Variants in UBE3D observed in about 807,000 individuals in gnomAD.
UBE3D encodes ubiquitin protein ligase E3D.
In UBE3D, 48 loss-of-function variants were observed where a neutral mutation model predicts 49.6. That is an observed-to-expected ratio of 0.97 (90% confidence interval 0.77 to 1.23). The LOEUF is 1.23. UBE3D is among the 50% of genes most tolerant of loss of function. The probability of loss-of-function intolerance (pLI) is 0.00; values close to 1 mark genes in which losing one functional copy is unlikely to be tolerated. For synonymous variants in UBE3D, 189 were observed against 174.2 expected (o/e 1.08, Z -0.67); for missense variants, 452 against 468.4 (o/e 0.96, Z 0.32).
At chr6:82,972,257 A>C (rs1363292339) in intron 8 of UBE3D, among the ~76,000 whole-genome samples, 2 of 152,142 alleles carry the variant, frequency 1.3e-5, no homozygotes, top group African/African-American at 2.4e-5. Context: ...CCGTTCTTTC[A>C]CAAGAGGGCA....
intron 9 of UBE3D, among the ~76,000 whole-genome samples, chr6:82,933,984 T>C (rs1026386903): frequency 6.6e-6 from 1 of 152,196 alleles, no homozygotes; most frequent in Non-Finnish European, 1.5e-5. Flanking sequence ...TGGCTCTGTG[T>C]CTTCACCCAA....
intron 9 of UBE3D, among the ~76,000 whole-genome samples, chr6:82,923,500 G>A (rs936375003): frequency 1.4e-4 from 21 of 152,136 alleles, no homozygotes; most frequent in Admixed American, 2.6e-4. Flanking sequence ...ATAAGTGGGA[G>A]TTGAACAATG....
chr6:82,894,605 C>T (rs574810326), intron 9 of UBE3D, among the ~76,000 whole-genome samples: 4 of 152,308 alleles, frequency 2.6e-5, no homozygotes, highest in African/African-American at 9.6e-5. Flanking sequence ...CTTTAACCCT[C>T]ACCTTCCCTT....
intron 3 of UBE3D, 76 bp from the exon 4 acceptor site, chr6:83,044,735 G>T: frequency 8.0e-7 from 1 of 1,242,876 alleles, no homozygotes; most frequent in Non-Finnish European, 1.1e-6. Flanking sequence ...GACCATAAAA[G>T]ATGAAAGAAA....
chr6:82,946,423 A>C (rs1377550873), intron 9 of UBE3D, among the ~76,000 whole-genome samples: 2 of 152,186 alleles, frequency 1.3e-5, no homozygotes, highest in Non-Finnish European at 2.9e-5. Flanking sequence ...AATATCCTTC[A>C]AACACAAAGA....
At chr6:83,064,383 A>C (rs548577510) in intron 1 of UBE3D, among the ~76,000 whole-genome samples, 1 of 152,186 alleles carries the variant, frequency 6.6e-6, no homozygotes, top group African/African-American at 2.4e-5. Flanking sequence ...GCGCGCCACC[A>C]CACCCAGCTA....
At chr6:82,978,157 G>A (rs1358026380) in intron 8 of UBE3D, among the ~76,000 whole-genome samples, 2 of 151,990 alleles carry the variant, frequency 1.3e-5, no homozygotes, top group Non-Finnish European at 2.9e-5. Flanking sequence ...ACACAGTCCT[G>A]GGGCAAGTTG....
chr6:83,040,307 C>A (rs1454775475), intron 4 of UBE3D, among the ~76,000 whole-genome samples: 3 of 151,816 alleles, frequency 2.0e-5, no homozygotes, highest in African/African-American at 7.3e-5. Flanking sequence ...TCACAGGAAC[C>A]CGGGAGGGGA....
chr6:82,957,913 T>A (rs1776279249), intron 8 of UBE3D, among the ~76,000 whole-genome samples: 1 of 152,198 alleles, frequency 6.6e-6, no homozygotes, highest in Non-Finnish European at 1.5e-5. Context: ...GCTCAGTGAT[T>A]TTCAAACTTT....
intron 3 of UBE3D, among the ~76,000 whole-genome samples, chr6:83,050,232 G>T (rs1783378957): frequency 8.4e-6 from 1 of 118,804 alleles, no homozygotes; most frequent in African/African-American, 3.1e-5. Flanking sequence ...AATTTGACAA[G>T]AACCTTTTTT....
intron 8 of UBE3D, among the ~76,000 whole-genome samples, chr6:82,988,996 A>G (rs1778704577): frequency 6.6e-6 from 1 of 152,134 alleles, no homozygotes; most frequent in African/African-American, 2.4e-5. Context: ...ACAAAAATAG[A>G]ATTAGAAAGG....
chr6:82,941,835 G>T (rs913036097), intron 9 of UBE3D, among the ~76,000 whole-genome samples: 1 of 152,172 alleles, frequency 6.6e-6, no homozygotes, highest in Non-Finnish European at 1.5e-5. Context: ...TGCCATGATT[G>T]TAAGTTTCCT....
intron 8 of UBE3D, chr6:83,017,955 A>T (rs1186113104): frequency 6.6e-6 from 1 of 151,900 alleles, no homozygotes; most frequent in Non-Finnish European, 1.5e-5. Flanking sequence ...GCTTTTTTTA[A>T]GTGTAAAAAA....
chr6:83,031,571 T>G (rs565202166), intron 5 of UBE3D, among the ~76,000 whole-genome samples: 53 of 152,288 alleles, frequency 3.5e-4, no homozygotes, highest in African/African-American at 1.3e-3. Flanking sequence ...ATTTGACTGC[T>G]TTGCTGGATT....
At chr6:82,885,059 T>C in the UBE3D span, among the ~76,000 whole-genome samples, 1 of 152,006 alleles carries the variant, frequency 6.6e-6, no homozygotes, top group African/African-American at 2.4e-5. Flanking sequence ...ATGCTTAGAA[T>C]GGGTTGTCAC....
chr6:82,976,632 C>G (rs761642302), intron 8 of UBE3D, among the ~76,000 whole-genome samples: 2 of 152,146 alleles, frequency 1.3e-5, no homozygotes, highest in Non-Finnish European at 2.9e-5. Context: ...ATACTCTAAA[C>G]TATAATTGCC....
chr6:82,929,821 T>G (rs1774013986), intron 9 of UBE3D, among the ~76,000 whole-genome samples: 1 of 152,192 alleles, frequency 6.6e-6, no homozygotes, highest in Non-Finnish European at 1.5e-5. Context: ...CACACATGTA[T>G]AGCCTCCCAC....
At chr6:83,020,178 GACACA>G (rs1780985824) in intron 7 of UBE3D, among the ~76,000 whole-genome samples, 1 of 152,084 alleles carries the variant, frequency 6.6e-6, no homozygotes, top group Non-Finnish European at 1.5e-5. Flanking sequence ...AGTACTAAAA[GACACA>G]GGCAAAGATT....
rs373676655 is a variant in UBE3D at position 83,044,705 on chromosome 6, T to C, written c.366-46A>G. On this transcript the variant is annotated intron_variant, in intron 3 of 9. Coordinates refer to ENST00000369747, the MANE Select transcript of UBE3D (RefSeq NM_198920.3). The stretch of plus-strand genomic sequence containing the variant: ...CATTTTTCACAGAACAAAATGATAC[T>C]AACATTTTCTTAATTAAATGACCAT... 9.1e-4 allele frequency: 1,287 copies of C among 1,411,622 alleles called. 18 individuals are homozygous for C. In the South Asian group the frequency reaches 0.015, roughly 16 times the overall value. The allele number at this position is 1,411,622 out of a possible 1,614,324, so 87.4% of individuals were successfully genotyped here.
Sources: gnomAD v4.1 joint callset for allele counts (sites outside exome capture counted in the v4.1 genomes callset) on GRCh38, gnomAD v4.1.1 for gene constraint, MANE v1.5 for transcripts, NCBI Gene and HGNC (gene_info 2026-07-23, HGNC 2026-07-21) for gene names.